Variants in NUMA1 observed in about 807,000 individuals in gnomAD.
NUMA1 encodes the protein nuclear mitotic apparatus protein 1, also known as SP-H antigen.
A neutral mutation model predicts 237.1 loss-of-function variants in NUMA1; 62 were observed. The ratio of observed to expected loss-of-function variants is 0.26; its 90% CI spans 0.21 to 0.32. The LOEUF is 0.32. NUMA1 is among the 10% of genes least tolerant of loss of function. The pLI is 1.00. For missense variants in NUMA1, 2,533 were observed against 2,666.5 expected, an observed-to-expected ratio of 0.95 and a Z score of 1.10; for synonymous variants, 1,028 against 1,066.1, an observed-to-expected ratio of 0.96 and a Z score of 0.70.
intron 2 of NUMA1, among the ~76,000 whole-genome samples, chr11:72,045,930 A>G (rs141305709): frequency 5.9e-5 from 9 of 152,348 alleles, no homozygotes; most frequent in African/African-American, 1.9e-4. Flanking sequence ...TATTGTCTCA[A>G]AAGCGTACAA....
chr11:72,017,876 C>T, intron 12 of NUMA1, 49 bp from the exon 13 acceptor site: 2 of 1,573,636 alleles, frequency 1.3e-6, no homozygotes, highest in Non-Finnish European at 1.7e-6. Flanking sequence ...AACGCTGACC[C>T]CACCACTGCT....
chr11:72,076,282 G>A (rs1418580030), intron 1 of NUMA1, among the ~76,000 whole-genome samples: 4 of 152,190 alleles, frequency 2.6e-5, no homozygotes, highest in Admixed American at 2.0e-4. Flanking sequence ...GCTGAGGTGG[G>A]CGGACTGCTT....
rs2134288005 is a variant in NUMA1, at chr11:72,003,289, G to A, written c.*238C>T. 5.5e-6 allele frequency: 3 copies of A among 550,414 alleles called. No individual in the cohort carries two copies. The Middle Eastern group carries it at 1.4e-3, about 256-fold the overall frequency. 34.1% of individuals were successfully genotyped at this position (550,414 alleles called of 1,614,324 possible). A position where few individuals can be genotyped will look rare whatever the true frequency, so the allele number is the denominator to read the frequency against. ...GTGACTTTGCTTTAAGAAAAAAGGA[G>A]GCAAGGTAGGGAGAGCGCCCACACT... On this transcript the variant is annotated 3_prime_UTR_variant, in exon 27 of 27. Transcript: ENST00000393695.
intron 20 of NUMA1, 124 bp from the exon 21 acceptor site, chr11:72,007,559 C>T (rs1234091225): frequency 7.9e-7 from 1 of 1,263,342 alleles, no homozygotes; most frequent in Non-Finnish European, 1.1e-6. Context: ...GCCCATCTCT[C>T]TGATTTTTCA....
chr11:72,004,576 C>T (rs369545792), intron 24 of NUMA1, 64 bp downstream of exon 24: 13 of 1,531,940 alleles, frequency 8.5e-6, no homozygotes, highest in East Asian at 4.5e-5. Context: ...CCCTTTAGTC[C>T]TTGGTGAGCT....
chr11:72,027,614 G>A (rs1939751642), intron 4 of NUMA1, among the ~76,000 whole-genome samples: 1 of 152,126 alleles, frequency 6.6e-6, no homozygotes, highest in South Asian at 2.1e-4. Flanking sequence ...AAACTGGTGA[G>A]AGGAAATGAC....
chr11:72,060,961 T>A (rs2136158770), intron 2 of NUMA1, among the ~76,000 whole-genome samples: 2 of 152,260 alleles, frequency 1.3e-5, no homozygotes, highest in East Asian at 1.9e-4. Context: ...TCCCAGCTAC[T>A]CAGGAGGCTG....
chr11:72,021,522 C>T (rs1340095037), intron 7 of NUMA1, among the ~76,000 whole-genome samples: 38 of 152,180 alleles, frequency 2.5e-4, no homozygotes, highest in Admixed American at 2.5e-3. Context: ...TCAAGATGTA[C>T]CGAAGTCAGA....
chr11:72,005,968 T>C, intron 22 of NUMA1, 67 bp downstream of exon 22: 1 of 1,321,718 alleles, frequency 7.6e-7, no homozygotes. Flanking sequence ...CTTTCCTCTT[T>C]TCCCTGTGCC....
Position 72,013,127 on chromosome 11 carries a change from T to A in NUMA1, c.4376A>T (p.Asn1459Ile). Residue 1459 changes from asparagine to isoleucine, a missense_variant, in exon 15 of 27, where the codon AAC (asparagine) becomes ATC (isoleucine). Physicochemically the swap from Asn to Ile is moderately radical, Grantham distance 149. Coordinates refer to ENST00000393695, the MANE Select transcript of NUMA1 (RefSeq NM_006185.4). This position sits in a 1 kb window ranked among gnomAD's most constrained non-coding sequence, Gnocchi z 6.8. ...CACTTCCAGAAACTGCCGGCCAAGG[T>A]TGGCCCGCTCACCCAGCCCCCGGTT... is the stretch of plus-strand genomic sequence containing the variant. ...EENRGLGERA[N>I]LGRQFLEVEL... 2 of 1,614,132 alleles carry A rather than the reference T, an allele frequency of 1.2e-6. No individual in the cohort carries two copies. The highest frequency in any genetic ancestry group is 2.2e-5 in the East Asian group (1 of 44,876).
intron 4 of NUMA1, among the ~76,000 whole-genome samples, chr11:72,028,375 A>G (rs977392720): frequency 1.1e-4 from 16 of 148,646 alleles, no homozygotes; most frequent in African/African-American, 4.0e-4. Context: ...CCTAACTGCC[A>G]CGTATGGCAC....
intron 26 of NUMA1, 173 bp downstream of exon 26, chr11:72,003,714 G>A (rs1955434263): frequency 2.0e-6 from 2 of 978,360 alleles, no homozygotes; most frequent in Admixed American, 4.2e-5. Flanking sequence ...CCATGAGAAT[G>A]GGGCCATCTG....
In NUMA1 at chr11:72,035,155, C is replaced by G. The variant is rs561291172; in HGVS notation, c.42+747G>C. Among the ~76,000 whole-genome samples, 351 of 152,210 alleles carry G rather than the reference C, an allele frequency of 2.3e-3. 1 individual carries two copies. Among genetic ancestry groups the G allele is most frequent in the African/African-American group, 8.2e-3 (340 of 41,532 alleles). ...TACAGGTGTGAGCCACCACATCCAG[C>G]CTCTCTAGCTTTAAATATCCAATGC... On this transcript the variant is annotated intron_variant, in intron 3 of 26. Coordinates refer to ENST00000393695, the MANE Select transcript of NUMA1 (RefSeq NM_006185.4).
chr11:72,078,256 T>C (rs546430893), intron 1 of NUMA1, among the ~76,000 whole-genome samples: 5 of 152,358 alleles, frequency 3.3e-5, no homozygotes, highest in Non-Finnish European at 5.9e-5. Flanking sequence ...AAAGTACTCA[T>C]TTTGAGTCTG....
Position 72,016,561 on chromosome 11 carries a change from GA to G in NUMA1, c.1120-32del, listed in dbSNP as rs755141011. The G allele has an allele frequency of 1.9e-6, 3 of 1,607,928 alleles. No individual in the cohort carries two copies. The Admixed American group carries it at 5.0e-5, about 27-fold the overall frequency. On this transcript the variant is annotated intron_variant, in intron 13 of 26. Transcript: ENST00000393695. The stretch of plus-strand genomic sequence containing the variant: ...AGTAAATGAGACCCATGTGAACAGA[GA>G]GGGGGAACAGGCACCAGATTACCAC...
intron 21 of NUMA1, 144 bp downstream of exon 21, chr11:72,007,045 C>G: frequency 2.1e-6 from 2 of 954,120 alleles, no homozygotes; most frequent in Middle Eastern, 3.4e-4. Flanking sequence ...AAGTCACTGC[C>G]CTTTTTAAGA....
At chr11:72,032,236 T>G (rs940150386) in intron 3 of NUMA1, among the ~76,000 whole-genome samples, 3 of 152,150 alleles carry the variant, frequency 2.0e-5, no homozygotes, top group African/African-American at 7.2e-5. Flanking sequence ...AAATATGACT[T>G]ATTGACGTCT....
chr11:72,023,274 C>A (rs1474927120), intron 5 of NUMA1, 127 bp from the exon 6 acceptor site: 6 of 677,524 alleles, frequency 8.9e-6, no homozygotes, highest in African/African-American at 8.8e-5. Flanking sequence ...GGCCTCCTTA[C>A]TCCTATGGCC....
At position 72,007,317 on chromosome 11, in the gene NUMA1, G is replaced by C. The variant is rs1322738275; in HGVS notation, c.5335C>G (p.Pro1779Ala). Residue 1779 changes from proline to alanine, a missense_variant, in exon 21 of 27, where the codon CCT (proline) becomes GCT (alanine). By Grantham distance (27) the Pro-to-Ala change is conservative (BLOSUM62 -1). Coordinates refer to ENST00000393695, the MANE Select transcript of NUMA1 (RefSeq NM_006185.4). Reference protein sequence around the residue: ...SLESLYFTPIPARSQAPLESS... With the variant: ...SLESLYFTPIAARSQAPLESS... The stretch of plus-strand genomic sequence containing the variant: ...TCCAGGGGGGCCTGACTCCGAGCAG[G>C]GATGGGAGTGAAGTAGAGACTCTCC... The C allele has an allele frequency of 6.2e-7, 1 of 1,613,536 alleles. No individual in the cohort carries two copies. The highest frequency in any genetic ancestry group is 8.5e-7 in the Non-Finnish European group (1 of 1,179,790).
Sources: allele counts gnomAD v4.1 joint callset (sites outside exome capture counted in the v4.1 genomes callset), GRCh38; gene constraint gnomAD v4.1.1; non-coding constraint Gnocchi (gnomAD v3.1); transcripts MANE v1.5; gene names NCBI Gene and HGNC (gene_info 2026-07-23, HGNC 2026-07-21).